The following CAST variants were observed in gnomAD, a reference collection of about 807,000 sequenced individuals.
CAST encodes MIR583 host.
A neutral mutation model predicts 119.6 loss-of-function variants in CAST; 76 were observed. That is an observed-to-expected ratio of 0.64 (90% CI 0.53 to 0.77). The LOEUF (loss-of-function observed/expected upper bound fraction) is 0.77. Ranked by LOEUF, CAST falls within the 30% of genes least tolerant of loss-of-function variation. The pLI, the probability that CAST is intolerant of heterozygous loss-of-function variation, is 0.00. For synonymous variants in CAST, 319 were observed against 331.6 expected, an observed-to-expected ratio of 0.96 and a Z score of 0.41; for missense variants, 953 against 946.5, an observed-to-expected ratio of 1.01 and a Z score of -0.09.
chr5:96,733,927 G>A (rs188197105), intron 9 of CAST, among the ~76,000 whole-genome samples: 1 of 152,134 alleles, frequency 6.6e-6, no homozygotes, highest in Non-Finnish European at 1.5e-5. Context: ...GGTTCTGCAG[G>A]ATGCACTAGC....
At chr5:96,505,517 G>A in the CAST span, among the ~76,000 whole-genome samples, 1 of 152,072 alleles carries the variant, frequency 6.6e-6, no homozygotes, top group African/African-American at 2.4e-5. Context: ...TAAGGAAAAG[G>A]AATATTATTA....
the CAST span, among the ~76,000 whole-genome samples, chr5:96,089,368 A>G: frequency 6.6e-6 from 1 of 152,178 alleles, no homozygotes; most frequent in African/African-American, 2.4e-5. Context: ...TGTATCCCAA[A>G]AGTATACTAG....
upstream of CAST, among the ~76,000 whole-genome samples, chr5:96,658,527 T>C (rs548993829): frequency 2.0e-5 from 3 of 152,254 alleles, no homozygotes; most frequent in Admixed American, 1.3e-4. Flanking sequence ...ATCTATAACA[T>C]TCATTGATTG....
At chr5:96,031,038 G>A in the CAST span, among the ~76,000 whole-genome samples, 27 of 152,174 alleles carry the variant, frequency 1.8e-4, no homozygotes, top group Middle Eastern at 6.8e-3. Context: ...AAGCCCAAAT[G>A]AGTGTACCAT....
At chr5:96,265,643 A>C in the CAST span, among the ~76,000 whole-genome samples, 1 of 152,268 alleles carries the variant, frequency 6.6e-6, no homozygotes, top group East Asian at 1.9e-4. Flanking sequence ...TCAAATGCTA[A>C]TCACTTCTAG....
chr5:96,221,566 G>T, the CAST span, among the ~76,000 whole-genome samples: 29 of 152,036 alleles, frequency 1.9e-4, no homozygotes, highest in African/African-American at 6.5e-4. Flanking sequence ...GTCAAAGATT[G>T]CTATAAGAAA....
the CAST span, among the ~76,000 whole-genome samples, chr5:95,977,785 G>C: frequency 6.6e-6 from 1 of 151,886 alleles, no homozygotes; most frequent in Non-Finnish European, 1.5e-5. Context: ...TGTTTTTCCT[G>C]ATCCTCTCCA....
chr5:96,198,338 C>T, the CAST span, among the ~76,000 whole-genome samples: 4 of 152,142 alleles, frequency 2.6e-5, no homozygotes, highest in African/African-American at 9.7e-5. Flanking sequence ...GAAATATGCC[C>T]TTTCCCTTTG....
chr5:96,240,483 C>T, the CAST span, among the ~76,000 whole-genome samples: 1 of 152,176 alleles, frequency 6.6e-6, no homozygotes. Flanking sequence ...CAGCTGTGTC[C>T]AGCTTCCTTC....
At chr5:96,225,931 T>C in the CAST span, among the ~76,000 whole-genome samples, 15 of 152,186 alleles carry the variant, frequency 9.9e-5, 1 homozygote, top group Admixed American at 9.8e-4. Context: ...TCTTTTTCTA[T>C]GAAATTCTAC....
At chr5:96,215,210 T>C in the CAST span, 3 of 152,192 alleles carry the variant, frequency 2.0e-5, no homozygotes, top group Non-Finnish European at 2.9e-5. Context: ...TTTTTGGTCT[T>C]AGGACCCTTA....
intron 9 of CAST, among the ~76,000 whole-genome samples, chr5:96,734,954 TAGTG>T (rs1363158963): frequency 2.7e-5 from 4 of 149,930 alleles, no homozygotes; most frequent in Admixed American, 2.0e-4. Flanking sequence ...AATAGAAAGA[TAGTG>T]GGGAGAGAGG....
chr5:96,009,625 C>A, the CAST span, among the ~76,000 whole-genome samples: 7 of 151,966 alleles, frequency 4.6e-5, no homozygotes, highest in Non-Finnish European at 8.8e-5. Flanking sequence ...ATGTCCGTTG[C>A]CTATTTTTTA....
At chr5:96,490,100 C>G in the CAST span, among the ~76,000 whole-genome samples, 1 of 152,188 alleles carries the variant, frequency 6.6e-6, no homozygotes, top group African/African-American at 2.4e-5. Context: ...CTGGCAAGGG[C>G]CATATAAGTA....
chr5:96,078,262 G>A, the CAST span, among the ~76,000 whole-genome samples: 1 of 152,094 alleles, frequency 6.6e-6, no homozygotes, highest in Non-Finnish European at 1.5e-5. Context: ...TTTTGGGAGA[G>A]ACACAAACAT....
chr5:96,303,814 G>A, the CAST span, among the ~76,000 whole-genome samples: 1 of 152,190 alleles, frequency 6.6e-6, no homozygotes, highest in South Asian at 2.1e-4. Context: ...ATGCCATGGT[G>A]TATATGAGCC....
intron 13 of CAST, 22 bp downstream of exon 13, chr5:96,740,805 C>T (rs1159991250): frequency 6.6e-7 from 1 of 1,504,106 alleles, no homozygotes; most frequent in Admixed American, 1.7e-5. Context: ...TACATGTCTT[C>T]TGATCTAAAT....
the CAST span, among the ~76,000 whole-genome samples, chr5:96,397,717 T>TAATG: frequency 1.1e-4 from 17 of 152,038 alleles, no homozygotes; most frequent in Non-Finnish European, 2.1e-4. Context: ...GTGGAAAAAA[T>TAATG]AATGAATGAA....
upstream of CAST, among the ~76,000 whole-genome samples, chr5:96,528,159 T>A (rs369268785): frequency 6.6e-6 from 1 of 152,208 alleles, no homozygotes; most frequent in Non-Finnish European, 1.5e-5. Context: ...AATGACTTGT[T>A]AAAGTCATAC....
Sources: gnomAD v4.1 joint callset for allele counts (sites outside exome capture counted in the v4.1 genomes callset) on GRCh38, gnomAD v4.1.1 for gene constraint, MANE v1.5 for transcripts, NCBI Gene and HGNC (gene_info 2026-07-23, HGNC 2026-07-21) for gene names.